The following ZNF350 variants were observed in gnomAD, a reference collection of about 807,000 sequenced individuals.
The protein encoded by ZNF350 is zinc finger protein 350.
ZNF350 carries 5 observed loss-of-function variants against 13.1 expected under a neutral mutation model. The observed-to-expected ratio is 0.38, with a 90% CI of 0.20 to 0.80. The LOEUF is 0.80. Ranked by LOEUF, ZNF350 falls within the 30% of genes least tolerant of loss-of-function variation. ZNF350 has a pLI of 0.43. For missense variants in ZNF350, 534 were observed against 644.2 expected (o/e 0.83, Z 1.85); for synonymous variants, 199 against 224.2 (o/e 0.89, Z 1.00).
At chr19:51,983,094 A>G (rs956051085) in intron 1 of ZNF350, among the ~76,000 whole-genome samples, 1 of 152,226 alleles carries the variant, frequency 6.6e-6, no homozygotes, top group African/African-American at 2.4e-5. Context: ...CCTAGCCCCA[A>G]CCCTGTGCTC....
chr19:51,986,019 A>T (rs146176356), intron 1 of ZNF350, among the ~76,000 whole-genome samples: 141 of 152,252 alleles, frequency 9.3e-4, no homozygotes, highest in Non-Finnish European at 1.7e-3. Context: ...AAAAATAAAA[A>T]AAATAAATAA....
In ZNF350 at chr19:51,964,860, GT is replaced by G. The variant is rs753712720; in HGVS notation, c.1592del (p.Asn531ThrfsTer14). On this transcript the variant is annotated frameshift_variant, in exon 5 of 5. Coordinates refer to ENST00000243644, the MANE Select transcript of ZNF350 (RefSeq NM_021632.4). LOFTEE classifies it high-confidence loss of function. ...INYVLFYVTENP is the reference protein window; with the variant it reads ...INYVLFYVTEXP ...ATAGATCTGAGTTTTCTTCCTATGG[GT>G]TTTCTGTAACATAAAATAAGACATA... is the stretch of plus-strand genomic sequence containing the variant. 1.9e-6 allele frequency: 3 copies of G among 1,606,008 alleles called. No individual in the cohort carries two copies. The East Asian group carries it at 6.7e-5, about 36-fold the overall frequency.
intron 3 of ZNF350, 59 bp from the exon 4 acceptor site, chr19:51,968,732 A>G: frequency 6.5e-7 from 1 of 1,543,126 alleles, no homozygotes; most frequent in East Asian, 2.3e-5. Context: ...CAATGTCAAG[A>G]AGGAAGAATG....
intron 2 of ZNF350, 68 bp from the exon 3 acceptor site, chr19:51,969,199 T>A (rs890283716): frequency 4.4e-6 from 7 of 1,573,844 alleles, no homozygotes; most frequent in Non-Finnish European, 6.1e-6. Flanking sequence ...CTAAAGTTTT[T>A]CTGCTCATTT....
At chr19:51,975,998 C>T (rs140092843) in intron 1 of ZNF350, among the ~76,000 whole-genome samples, 2 of 152,326 alleles carry the variant, frequency 1.3e-5, no homozygotes, top group Non-Finnish European at 2.9e-5. Flanking sequence ...ATGACTGCTC[C>T]GGCTGATGAA....
Position 51,974,468 on chromosome 19 carries a change from G to A in ZNF350, c.-108C>T, listed in dbSNP as rs1363108054. ...TTCAATCAAGTGTGCCCCAAGAAAT[G>A]GTGAACCCCAAATCCACTTCCTCCC... On this transcript the variant is annotated 5_prime_UTR_variant, in exon 2 of 5. Transcript: ENST00000243644. The A allele has an allele frequency of 7.5e-7, 1 of 1,341,300 alleles. No homozygotes were observed. The highest frequency in any genetic ancestry group is 2.3e-5 in the East Asian group (1 of 43,148). 83.1% of individuals were successfully genotyped at this position (1,341,300 alleles called of 1,614,324 possible).
At chr19:51,975,445 A>AAAC (rs1240712149) in intron 1 of ZNF350, among the ~76,000 whole-genome samples, 3 of 151,416 alleles carry the variant, frequency 2.0e-5, no homozygotes, top group African/African-American at 7.3e-5. Context: ...AAAAAAAAAA[A>AAAC]AAAAAAACTA....
At chr19:51,985,519 C>T (rs1187491186) in intron 1 of ZNF350, among the ~76,000 whole-genome samples, 1 of 152,200 alleles carries the variant, frequency 6.6e-6, no homozygotes, top group Non-Finnish European at 1.5e-5. Context: ...TTGCACCATA[C>T]GCCTAAGCTC....
At chr19:51,978,838 A>G (rs2122940149) in intron 1 of ZNF350, among the ~76,000 whole-genome samples, 1 of 152,324 alleles carries the variant, frequency 6.6e-6, no homozygotes, top group East Asian at 1.9e-4. Flanking sequence ...TCCAGCAGAA[A>G]GACATTGGCA....
At chr19:51,983,297 G>T (rs2086095674) in intron 1 of ZNF350, among the ~76,000 whole-genome samples, 1 of 152,074 alleles carries the variant, frequency 6.6e-6, no homozygotes, top group African/African-American at 2.4e-5. Context: ...TATTGTCCAA[G>T]GTTTCCTCCC....
At chr19:51,986,604 C>G (rs942446952) in intron 1 of ZNF350, 166 bp downstream of exon 1, 11 of 152,892 alleles carry the variant, frequency 7.2e-5, no homozygotes, top group African/African-American at 2.7e-4. Flanking sequence ...GGATCACAGA[C>G]TCCCACCAGG....
chr19:51,967,380 G>A (rs2085609569), intron 4 of ZNF350: 1 of 151,880 alleles, frequency 6.6e-6, no homozygotes, highest in Non-Finnish European at 1.5e-5. Context: ...GCTCCAGCCT[G>A]GGCACAGAGC....
At chr19:51,968,756 A>C in intron 3 of ZNF350, 83 bp from the exon 4 acceptor site, 1 of 1,494,590 alleles carries the variant, frequency 6.7e-7, no homozygotes, top group Non-Finnish European at 9.2e-7. Context: ...CATTTCAAGA[A>C]ACTTGAGTTT....
At chr19:51,972,397 T>C (rs945514041) in intron 2 of ZNF350, among the ~76,000 whole-genome samples, 16 of 151,870 alleles carry the variant, frequency 1.1e-4, no homozygotes, top group Middle Eastern at 3.4e-3. Flanking sequence ...ACAAAACCTT[T>C]ATGATCTTTT....
At chr19:51,971,703 G>A (rs1009500136) in intron 2 of ZNF350, among the ~76,000 whole-genome samples, 1 of 152,116 alleles carries the variant, frequency 6.6e-6, no homozygotes, top group Non-Finnish European at 1.5e-5. Flanking sequence ...AATGCAGAGG[G>A]CTGTGTAAAG....
Position 51,964,821 on chromosome 19 carries a change from C to A in ZNF350, c.*33G>T. ...ACATAATGAACTACAAATTTTTGCT[C>A]AACCCTTTTCCACATAGATCTGAGT... On this transcript the variant is annotated 3_prime_UTR_variant, in exon 5 of 5. Coordinates refer to ENST00000243644, the MANE Select transcript of ZNF350 (RefSeq NM_021632.4). 2 of 1,572,422 alleles carry A rather than the reference C, an allele frequency of 1.3e-6. No individual in the cohort carries two copies. The highest frequency in any genetic ancestry group is 1.7e-6 in the Non-Finnish European group (2 of 1,157,762).
Position 51,965,141 on chromosome 19 carries a change from G to A in ZNF350, c.1312C>T (p.Pro438Ser). 1.2e-6 allele frequency: 2 copies of A among 1,614,192 alleles called. No individual in the cohort carries two copies. Among genetic ancestry groups the A allele is most frequent in the Non-Finnish European group, 8.5e-7 (1 of 1,180,040 alleles). ...TGTAATGAGCTGTGCCTCTCTGCAG[G>A]AGGATTTTCCACCTTGGCTGCCTCT... The part of the protein sequence containing the change: ...KQEAAKVENP[P>S]AERHSSLHTS... Residue 438 changes from proline (P) to serine (S), a missense_variant, in exon 5 of 5, where the codon CCT becomes TCT. Coordinates refer to ENST00000243644, the MANE Select transcript of ZNF350 (RefSeq NM_021632.4).
rs1432034154 is a variant in ZNF350, at chr19:51,964,631, C to G, written c.*223G>C. On this transcript the variant is annotated 3_prime_UTR_variant, in exon 5 of 5. Coordinates refer to ENST00000243644, the MANE Select transcript of ZNF350 (RefSeq NM_021632.4). ...ACTTCATTTCCTCCACTTAAAAGTACTTGGGCTTCCTTTACTCATTTAATT... is the reference window on the plus strand; with the variant it reads ...ACTTCATTTCCTCCACTTAAAAGTAGTTGGGCTTCCTTTACTCATTTAATT... 4 of 536,466 alleles carry G rather than the reference C, an allele frequency of 7.5e-6. No homozygotes were observed. Among genetic ancestry groups the G allele is most frequent in the Admixed American group, 3.5e-5 (1 of 28,376 alleles). The allele number at this position is 536,466 out of a possible 1,614,324, so 33.2% of individuals were successfully genotyped here.
chr19:51,975,836 GC>G (rs2085878798), intron 1 of ZNF350, among the ~76,000 whole-genome samples: 2 of 152,216 alleles, frequency 1.3e-5, no homozygotes, highest in South Asian at 4.1e-4. Context: ...GCAATTCTCT[GC>G]CTTAGCCTCC....
Sources: allele counts gnomAD v4.1 joint callset (sites outside exome capture counted in the v4.1 genomes callset), GRCh38; gene constraint gnomAD v4.1.1; transcripts MANE v1.5; gene names NCBI Gene and HGNC (gene_info 2026-07-23, HGNC 2026-07-21).